Variants in ESYT2 observed in about 807,000 individuals in gnomAD.
ESYT2 encodes extended synaptotagmin-2.
A neutral mutation model predicts 107.2 loss-of-function variants in ESYT2; 54 were observed. The ratio of observed to expected loss-of-function variants is 0.50; its 90% CI spans 0.40 to 0.63. The LOEUF (loss-of-function observed/expected upper bound fraction) is 0.63, where lower values mean the gene tolerates loss of function less well. Ranked by LOEUF, ESYT2 falls within the 30% of genes least tolerant of loss-of-function variation. The pLI, the probability that ESYT2 is intolerant of heterozygous loss-of-function variation, is 0.00. For synonymous variants in ESYT2, 491 were observed against 434.1 expected (o/e 1.13, Z -1.63); for missense variants, 1,020 against 1,094.5 (o/e 0.93, Z 0.96).
chr7:158,771,784 G>T (rs571346644), intron 7 of ESYT2, among the ~76,000 whole-genome samples: 1 of 152,236 alleles, frequency 6.6e-6, no homozygotes, highest in African/African-American at 2.4e-5. Context: ...GCAGGCAGTG[G>T]GCGCCCATTG....
chr7:158,785,834 A>G lies in ESYT2; in HGVS notation c.747+2170T>C, dbSNP rs566260019. On this transcript the variant is annotated intron_variant, in intron 6 of 22. Transcript: ENST00000275418. ...GTTTTTTTCCTTCAACAAGTTCTAC[A>G]TTATAAAAACTAAACAAGCCAACAA... Among the ~76,000 whole-genome samples the G allele has an allele frequency of 5.5e-4, 84 of 152,330 alleles. 2 individuals are homozygous for G. Among genetic ancestry groups the G allele is most frequent in the Middle Eastern group, 6.8e-3 (2 of 294 alleles).
chr7:158,804,701 C>CGT (rs1461307305), intron 1 of ESYT2, among the ~76,000 whole-genome samples: 9 of 148,922 alleles, frequency 6.0e-5, no homozygotes, highest in African/African-American at 2.2e-4. Context: ...GGGTGAGGCG[C>CGT]GTGACAAACC....
intron 6 of ESYT2, among the ~76,000 whole-genome samples, chr7:158,787,197 A>G (rs556404384): frequency 2.8e-4 from 43 of 152,338 alleles, no homozygotes; most frequent in Non-Finnish European, 5.4e-4. Context: ...TTTGTGGGAA[A>G]TAACAAATAG....
At chr7:158,734,784 C>CTAAA (rs67197744) in intron 21 of ESYT2, among the ~76,000 whole-genome samples, 1 of 152,084 alleles carries the variant, frequency 6.6e-6, no homozygotes, top group Admixed American at 6.5e-5. Context: ...GACCCTGTCT[C>CTAAA]TAAATAAATA....
chr7:158,780,765 G>A (rs1584836555), intron 6 of ESYT2, among the ~76,000 whole-genome samples: 1 of 152,196 alleles, frequency 6.6e-6, no homozygotes, highest in African/African-American at 2.4e-5. Context: ...GCTTTTGAAA[G>A]GAAGAGATTT....
At chr7:158,751,560 C>T (rs1837584903) in intron 14 of ESYT2, among the ~76,000 whole-genome samples, 1 of 152,168 alleles carries the variant, frequency 6.6e-6, no homozygotes, top group Non-Finnish European at 1.5e-5. Flanking sequence ...TGCATGTTTA[C>T]AAAATGGGCA....
intron 1 of ESYT2, among the ~76,000 whole-genome samples, chr7:158,828,136 A>T (rs1025277481): frequency 6.6e-6 from 1 of 152,322 alleles, no homozygotes; most frequent in East Asian, 1.9e-4. Flanking sequence ...AACTGAAACA[A>T]TCTTTCAATT....
intron 6 of ESYT2, among the ~76,000 whole-genome samples, chr7:158,781,878 CAAGT>C (rs144301979): frequency 0.69 from 98,205 of 141,410 alleles, 35,315 homozygotes; most frequent in Non-Finnish European, 0.78. Flanking sequence ...AGAACGAGAA[CAAGT>C]AAGAACGAGA....
chr7:158,767,534 C>T (rs1838204164), intron 8 of ESYT2, 120 bp downstream of exon 8: 2 of 1,347,778 alleles, frequency 1.5e-6, no homozygotes, highest in Non-Finnish European at 2.0e-6. Context: ...TGCATCAAGA[C>T]CCGTGTGGCA....
intron 1 of ESYT2, among the ~76,000 whole-genome samples, chr7:158,809,753 T>G (rs1355353623): frequency 1.3e-5 from 2 of 152,250 alleles, no homozygotes; most frequent in African/African-American, 4.8e-5. Context: ...GTGAAGAGAC[T>G]GTAGCATACT....
At chr7:158,759,107 G>A (rs2602541) in intron 13 of ESYT2, among the ~76,000 whole-genome samples, 2 of 152,174 alleles carry the variant, frequency 1.3e-5, no homozygotes, top group Non-Finnish European at 2.9e-5. Flanking sequence ...CCCTGCGACA[G>A]CCATGAGGAA....
rs1050124969 is a variant in ESYT2, at chr7:158,732,994, T to G, written c.*1213A>C. The stretch of plus-strand genomic sequence containing the variant: ...GTACAGAAACCTGCTTTTAACAGTC[T>G]AAACAGGATAAAAATTGCATAACAA... On this transcript the variant is annotated 3_prime_UTR_variant, in exon 23 of 23. Coordinates refer to ENST00000275418, the MANE Select transcript of ESYT2 (RefSeq NM_001367773.1). The G allele has an allele frequency of 6.6e-6, 1 of 152,194 alleles. No homozygotes were observed. Among genetic ancestry groups the G allele is most frequent in the African/African-American group, 2.4e-5 (1 of 41,444 alleles). 9.4% of individuals were successfully genotyped at this position (152,194 alleles called of 1,614,324 possible). A position where few individuals can be genotyped will look rare whatever the true frequency, so the allele number is the denominator to read the frequency against.
intron 17 of ESYT2, 92 bp downstream of exon 17, chr7:158,743,437 C>G (rs1837281604): frequency 6.6e-6 from 10 of 1,507,012 alleles, no homozygotes; most frequent in African/African-American, 1.4e-5. Context: ...ACAGAGCTTT[C>G]TTCACCGGCC....
At chr7:158,763,337 C>CT (rs1245703462) in intron 9 of ESYT2, among the ~76,000 whole-genome samples, 172 bp from the exon 10 acceptor site, 3 of 151,964 alleles carry the variant, frequency 2.0e-5, no homozygotes, top group Non-Finnish European at 4.4e-5. Flanking sequence ...CTCTATCTCC[C>CT]AGGTTGGAGT....
Position 158,739,640 on chromosome 7 carries a change from G to A in ESYT2, c.2169-519C>T, listed in dbSNP as rs572640667. On this transcript the variant is annotated intron_variant, in intron 18 of 22. Coordinates refer to ENST00000275418, the MANE Select transcript of ESYT2 (RefSeq NM_001367773.1). ...TGGGATTACAGGCGTGAGCCATCGC[G>A]TCCAGCCAACTGACAGTTTTTTAGT... Among the ~76,000 whole-genome samples, 205 of 152,232 alleles carry A rather than the reference G, an allele frequency of 1.3e-3. 2 individuals are homozygous for A. Among genetic ancestry groups the A allele is most frequent in the African/African-American group, 4.8e-3 (201 of 41,544 alleles).
chr7:158,768,290 A>C (rs1192190590), intron 7 of ESYT2, among the ~76,000 whole-genome samples: 1 of 152,178 alleles, frequency 6.6e-6, no homozygotes, highest in East Asian at 1.9e-4. Context: ...ACTGAAGGAG[A>C]ACTTACTTTG....
intron 2 of ESYT2, 71 bp from the exon 3 acceptor site, chr7:158,798,147 A>C: frequency 6.5e-6 from 10 of 1,541,304 alleles, no homozygotes; most frequent in Non-Finnish European, 8.9e-6. Context: ...TGCTCGTGAG[A>C]AACCCTCGCA....
At chr7:158,741,448 A>G (rs1008335495) in intron 18 of ESYT2, 75 bp downstream of exon 18, 2 of 1,477,786 alleles carry the variant, frequency 1.4e-6, no homozygotes, top group African/African-American at 3.0e-5. Context: ...CTGCTGCGTT[A>G]AACGACTCTC....
chr7:158,816,027 G>A (rs944558475), intron 1 of ESYT2, among the ~76,000 whole-genome samples: 4 of 152,144 alleles, frequency 2.6e-5, no homozygotes, highest in Non-Finnish European at 5.9e-5. Context: ...TGTGAGTGTC[G>A]CTTTATATGG....
Sources: gnomAD v4.1 joint callset for allele counts (sites outside exome capture counted in the v4.1 genomes callset) on GRCh38, gnomAD v4.1.1 for gene constraint, MANE v1.5 for transcripts, NCBI Gene and HGNC (gene_info 2026-07-23, HGNC 2026-07-21) for gene names.